Variants in NPAS3 observed in about 807,000 individuals in gnomAD.
NPAS3 encodes the protein neuronal PAS domain-containing protein 3.
A neutral mutation model predicts 73.1 loss-of-function variants in NPAS3; 14 were observed. The ratio of observed to expected loss-of-function variants is 0.19; its 90% CI spans 0.13 to 0.30. The LOEUF (loss-of-function observed/expected upper bound fraction) is 0.30, where lower values mean the gene tolerates loss of function less well. NPAS3 is among the 10% of genes least tolerant of loss of function. The pLI is 1.00. For synonymous variants in NPAS3, 620 were observed against 541.5 expected (o/e 1.14, Z -2.01); for missense variants, 1,096 against 1,250.0 (o/e 0.88, Z 1.86).
intron 4 of NPAS3, among the ~76,000 whole-genome samples, chr14:33,371,151 G>A (rs986578947): frequency 1.3e-5 from 2 of 152,176 alleles, no homozygotes; most frequent in Non-Finnish European, 2.9e-5. Flanking sequence ...GCAAGCCACA[G>A]GATTTGATTT....
rs115982231 is a variant in NPAS3 at position 33,546,600 on chromosome 14, T to C, written c.469-13521T>C. On this transcript the variant is annotated intron_variant, in intron 4 of 11. Coordinates refer to ENST00000356141, the Ensembl canonical transcript of NPAS3. ...ATAGTAAGCTATGTGGGACAGGGAT[T>C]TTTATCCTGCTCAATATGTTGATTT... Among the ~76,000 whole-genome samples the C allele has an allele frequency of 3.1e-3, 478 of 152,304 alleles. 4 individuals carry two copies. The highest frequency in any genetic ancestry group is 0.011 in the African/African-American group (453 of 41,568).
chr14:33,390,279 T>C (rs1319138526), intron 4 of NPAS3, among the ~76,000 whole-genome samples: 2 of 152,180 alleles, frequency 1.3e-5, no homozygotes, highest in Non-Finnish European at 1.5e-5. Flanking sequence ...CCTTGTCTTT[T>C]GTCATAAAGA....
chr14:33,455,576 G>A (rs2049989510), intron 4 of NPAS3, among the ~76,000 whole-genome samples: 2 of 152,252 alleles, frequency 1.3e-5, no homozygotes, highest in South Asian at 2.1e-4. Flanking sequence ...GGCTGCATGA[G>A]CTGAGCTTGT....
chr14:33,332,672 C>G (rs755013086), intron 3 of NPAS3, among the ~76,000 whole-genome samples: 2 of 152,162 alleles, frequency 1.3e-5, no homozygotes, highest in African/African-American at 4.8e-5. Flanking sequence ...CCTCAACAAA[C>G]GCTTCCGATT....
intron 3 of NPAS3, among the ~76,000 whole-genome samples, chr14:33,337,806 C>T (rs1595834): frequency 0.79 from 119,321 of 151,922 alleles, 47,470 homozygotes; most frequent in African/African-American, 0.92. Flanking sequence ...CTTTTGTTTG[C>T]TAAATTTATT....
At chr14:33,752,121 T>C (rs965676869) in intron 7 of NPAS3, among the ~76,000 whole-genome samples, 2 of 152,164 alleles carry the variant, frequency 1.3e-5, no homozygotes, top group African/African-American at 4.8e-5. Context: ...ACCTCTCCCT[T>C]TCTTTCTAAA....
intron 9 of NPAS3, among the ~76,000 whole-genome samples, chr14:33,785,434 C>CAAAAA (rs1223437695): frequency 1.2e-4 from 9 of 75,380 alleles, no homozygotes; most frequent in Non-Finnish European, 1.6e-4. Flanking sequence ...GACTCCATCT[C>CAAAAA]AAAAAAAAAA....
intron 7 of NPAS3, among the ~76,000 whole-genome samples, chr14:33,754,987 C>T (rs1224230468): frequency 6.6e-6 from 1 of 152,168 alleles, no homozygotes; most frequent in Non-Finnish European, 1.5e-5. Context: ...AATGGAGACA[C>T]ATATTGTTGT....
At chr14:33,518,985 C>G (rs967260702) in intron 4 of NPAS3, among the ~76,000 whole-genome samples, 1 of 152,004 alleles carries the variant, frequency 6.6e-6, no homozygotes, top group Non-Finnish European at 1.5e-5. Context: ...GAATAAATCC[C>G]TTATATCCTC....
chr14:33,730,046 T>A (rs1296893701), intron 6 of NPAS3, among the ~76,000 whole-genome samples: 2 of 152,088 alleles, frequency 1.3e-5, no homozygotes, highest in South Asian at 2.1e-4. Flanking sequence ...CACACATATA[T>A]AAATAGACAT....
chr14:33,485,331 A>T (rs568810992), intron 4 of NPAS3, among the ~76,000 whole-genome samples: 1 of 152,298 alleles, frequency 6.6e-6, no homozygotes, highest in East Asian at 1.9e-4. Context: ...GTTTAATCAC[A>T]TTCTACTTTC....
chr14:32,967,430 C>T (rs536658515), intron 1 of NPAS3, among the ~76,000 whole-genome samples: 7 of 152,172 alleles, frequency 4.6e-5, no homozygotes, highest in South Asian at 4.2e-4. Flanking sequence ...TCAACTTTGT[C>T]GGGGGTTGGT....
At chr14:33,479,696 C>A (rs1429253362) in intron 4 of NPAS3, among the ~76,000 whole-genome samples, 1 of 152,170 alleles carries the variant, frequency 6.6e-6, no homozygotes, top group African/African-American at 2.4e-5. Context: ...TCTTAGCAAG[C>A]GCCAATCAAT....
intron 3 of NPAS3, among the ~76,000 whole-genome samples, chr14:33,218,091 T>C (rs2047291242): frequency 6.6e-6 from 1 of 152,194 alleles, no homozygotes; most frequent in African/African-American, 2.4e-5. Context: ...CCCCACGTTG[T>C]TGCAGTTTCT....
chr14:33,800,399 G>A lies in NPAS3; in HGVS notation c.2092G>A (p.Gly698Ser), dbSNP rs2063663185. The A allele has an allele frequency of 6.2e-7, 1 of 1,604,540 alleles. No individual in the cohort carries two copies. Residue 698 changes from glycine (G) to serine (S), a missense_variant, in exon 12 of 12, where the codon GGC becomes AGC. Around this residue, in one of 5 missense-constraint regions of NPAS3, gnomAD observed 698 missense variants for 676.7 expected, o/e 1.03. Coordinates refer to ENST00000356141, the Ensembl canonical transcript of NPAS3. This position sits in a 1 kb window ranked among gnomAD's most constrained non-coding sequence, Gnocchi z 6.5. ...GCACTTCCCGTCCCCGCAGGGCGGC[G>A]GCGGTGGGGGTGGCGGTGGCGGGGG... is the stretch of plus-strand genomic sequence containing the variant.
chr14:32,938,485 T>TAGAGAGAGAGGGAGAGAGAGAG (rs1491191135), upstream of NPAS3, among the ~76,000 whole-genome samples: 1 of 21,750 alleles, frequency 4.6e-5, no homozygotes, highest in Non-Finnish European at 8.6e-5. Context: ...GAGAGAGAAA[T>TAGAGAGAGAGGGAGAGAGAGAG]TGAGAGAGAG....
intron 4 of NPAS3, among the ~76,000 whole-genome samples, chr14:33,523,431 A>G (rs112564731): frequency 0.041 from 5,650 of 137,684 alleles, 317 homozygotes; most frequent in African/African-American, 0.14. Context: ...CAGCCTGGGC[A>G]ACAGAGCGAG....
intron 4 of NPAS3, among the ~76,000 whole-genome samples, chr14:33,516,149 C>T (rs1191004983): frequency 6.6e-6 from 1 of 152,102 alleles, no homozygotes; most frequent in African/African-American, 2.4e-5. Flanking sequence ...CCTAAGGTTA[C>T]ACAGCTAATC....
At chr14:33,080,584 G>A (rs2041835060) in intron 2 of NPAS3, among the ~76,000 whole-genome samples, 1 of 152,204 alleles carries the variant, frequency 6.6e-6, no homozygotes, top group South Asian at 2.1e-4. Flanking sequence ...AAAGTCTCTA[G>A]AAGAAAATGA....
Sources: gnomAD v4.1 joint callset for allele counts (sites outside exome capture counted in the v4.1 genomes callset) on GRCh38, gnomAD v4.1.1 for gene constraint, gnomAD v4.1.1 regional missense constraint, Gnocchi (gnomAD v3.1) non-coding constraint, MANE v1.5 for transcripts, NCBI Gene and HGNC (gene_info 2026-07-23, HGNC 2026-07-21) for gene names.